CCDC39: variants seen among roughly 807,000 people sequenced by gnomAD.
CCDC39 encodes the protein coiled-coil domain-containing protein 39.
In CCDC39, 113 loss-of-function variants were observed where a neutral mutation model predicts 121.0. The observed-to-expected ratio is 0.93, with a 90% CI of 0.80 to 1.09. The LOEUF (loss-of-function observed/expected upper bound fraction) is 1.09, where lower values mean the gene tolerates loss of function less well. CCDC39 is among the 50% of genes least tolerant of loss of function. The probability of loss-of-function intolerance (pLI) is 0.00; values close to 1 mark genes in which losing one functional copy is unlikely to be tolerated. For synonymous variants in CCDC39, 349 were observed against 352.2 expected, an observed-to-expected ratio of 0.99 and a Z score of 0.10; for missense variants, 1,063 against 1,074.7, an observed-to-expected ratio of 0.99 and a Z score of 0.15.
At chr3:180,638,490 A>G (rs968910999) in intron 13 of CCDC39, among the ~76,000 whole-genome samples, 1 of 152,178 alleles carries the variant, frequency 6.6e-6, no homozygotes, top group African/African-American at 2.4e-5. Flanking sequence ...TGAAAAAACC[A>G]TTAAATCAAG....
At chr3:180,647,524 A>C (rs1718101547) in intron 10 of CCDC39, among the ~76,000 whole-genome samples, 1 of 152,138 alleles carries the variant, frequency 6.6e-6, no homozygotes, top group African/African-American at 2.4e-5. Context: ...ATGGAATCTC[A>C]GTAAATTCAC....
At chr3:180,615,216 A>G in intron 19 of CCDC39, 139 bp from the exon 20 acceptor site, 1 of 577,846 alleles carries the variant, frequency 1.7e-6, no homozygotes, top group Non-Finnish European at 2.9e-6. Context: ...AAGTTTTTAA[A>G]TGACCATCAA....
rs762511042 is a variant in CCDC39, at chr3:180,647,109, G to T, written c.1497C>A (p.Gly499=). The T allele has an allele frequency of 1.2e-6, 2 of 1,608,496 alleles. No individual in the cohort carries two copies. The highest frequency in any genetic ancestry group is 1.1e-5 in the South Asian group (1 of 89,168). ...GCTTCTTGATCTGTGTTTCCAAAAG[G>T]CCACATGTAGATTTTTTCTCTTCCA... is the stretch of plus-strand genomic sequence containing the variant. ...KSLEEKKSTC[G]LLETQIKKLH... is the part of the protein sequence containing the mutation. Residue 499 remains glycine, a synonymous_variant, in exon 11 of 20, where the codon GGC becomes GGA. Coordinates refer to ENST00000476379, the MANE Select transcript of CCDC39 (RefSeq NM_181426.2).
At chr3:180,674,956 C>T (rs1010682084) in intron 1 of CCDC39, among the ~76,000 whole-genome samples, 5 of 152,110 alleles carry the variant, frequency 3.3e-5, no homozygotes, top group Non-Finnish European at 7.4e-5. Context: ...TTTGTTGTAT[C>T]TCTGCCAGGC....
intron 13 of CCDC39, among the ~76,000 whole-genome samples, chr3:180,638,179 C>A (rs111602096): frequency 1.6e-4 from 24 of 151,980 alleles, no homozygotes; most frequent in African/African-American, 5.5e-4. Context: ...TATAAAACAC[C>A]AAGGATAAAG....
At chr3:180,634,461 A>G (rs945637855) in intron 13 of CCDC39, among the ~76,000 whole-genome samples, 1 of 152,172 alleles carries the variant, frequency 6.6e-6, no homozygotes, top group Non-Finnish European at 1.5e-5. Flanking sequence ...GGTTTATTGC[A>G]TTCAGTGATT....
At chr3:180,617,270 TAA>T in intron 16 of CCDC39, 1 of 470,236 alleles carries the variant, frequency 2.1e-6, no homozygotes. Context: ...GCCAGTCATA[TAA>T]AAGTCTAGCA....
intron 14 of CCDC39, among the ~76,000 whole-genome samples, chr3:180,628,691 A>C (rs1439703699): frequency 2.0e-5 from 3 of 152,182 alleles, no homozygotes; most frequent in African/African-American, 7.2e-5. Context: ...AGCAGCCATA[A>C]ACAATATATA....
chr3:180,677,215 T>TATATATATATATATATATATATA (rs1203940702), intron 1 of CCDC39, among the ~76,000 whole-genome samples: 1 of 110,424 alleles, frequency 9.1e-6, no homozygotes, highest in Non-Finnish European at 1.9e-5. Context: ...TATATATATA[T>TATATATATATATATATATATATA]AAAATCACAG....
chr3:180,672,220 T>G (rs1439431957), intron 1 of CCDC39, among the ~76,000 whole-genome samples: 1 of 152,170 alleles, frequency 6.6e-6, no homozygotes, highest in Non-Finnish European at 1.5e-5. Flanking sequence ...AAAGCCTGGA[T>G]GACATGTCTG....
intron 11 of CCDC39, among the ~76,000 whole-genome samples, chr3:180,644,813 T>C (rs1236436046): frequency 6.6e-6 from 1 of 152,200 alleles, no homozygotes; most frequent in Non-Finnish European, 1.5e-5. Context: ...TTTCTGAGTA[T>C]TTTCAATCCT....
intron 14 of CCDC39, among the ~76,000 whole-genome samples, chr3:180,630,129 A>G (rs6798564): frequency 0.18 from 27,619 of 152,070 alleles, 2,698 homozygotes; most frequent in Non-Finnish European, 0.21. Context: ...TAGGATATGG[A>G]TGAAGGCACA....
intron 11 of CCDC39, among the ~76,000 whole-genome samples, chr3:180,646,343 T>C (rs534935105): frequency 6.6e-6 from 1 of 152,208 alleles, no homozygotes; most frequent in African/African-American, 2.4e-5. Flanking sequence ...GGCAATTCTT[T>C]TTATAACCAC....
intron 9 of CCDC39, among the ~76,000 whole-genome samples, 198 bp from the exon 10 acceptor site, chr3:180,648,557 C>T (rs1175124744): frequency 6.6e-6 from 1 of 152,150 alleles, no homozygotes; most frequent in African/African-American, 2.4e-5. Flanking sequence ...ACTAGGGTAG[C>T]TTTTACGCCC....
chr3:180,659,419 C>T, intron 6 of CCDC39, 33 bp downstream of exon 6: 2 of 1,606,920 alleles, frequency 1.2e-6, no homozygotes, highest in African/African-American at 1.3e-5. Context: ...ACAAATGCAG[C>T]TGAACATTAC....
chr3:180,630,963 G>A (rs1717677950), intron 14 of CCDC39, among the ~76,000 whole-genome samples: 2 of 152,180 alleles, frequency 1.3e-5, no homozygotes, highest in South Asian at 4.1e-4. Flanking sequence ...CAGCCAGGGT[G>A]TGGCATAAGA....
chr3:180,630,959 G>C (rs1304835501), intron 14 of CCDC39, among the ~76,000 whole-genome samples: 2 of 152,172 alleles, frequency 1.3e-5, no homozygotes, highest in African/African-American at 4.8e-5. Context: ...GGTCCAGCCA[G>C]GGTGTGGCAT....
chr3:180,625,451 A>G lies in CCDC39; in HGVS notation c.1999-5481T>C, dbSNP rs1399534024. On this transcript the variant is annotated intron_variant, in intron 14 of 19. Transcript: ENST00000476379. ...GGTTTTCAGATTTCTCTTGCATCTA[A>G]TTGAGCTTCTATCAATATTTTGAAT... 2.0e-5 allele frequency among the ~76,000 whole-genome samples: 3 copies of G among 150,796 alleles called. No homozygotes were observed. The East Asian group carries it at 5.8e-4, about 29-fold the overall frequency.
intron 14 of CCDC39, among the ~76,000 whole-genome samples, chr3:180,625,595 G>T (rs186871472): frequency 5.7e-4 from 86 of 152,156 alleles, no homozygotes; most frequent in Admixed American, 1.2e-3. Context: ...ATTGATAGAT[G>T]CATATCTCAT....
Sources: allele counts gnomAD v4.1 joint callset (sites outside exome capture counted in the v4.1 genomes callset), GRCh38; gene constraint gnomAD v4.1.1; transcripts MANE v1.5; gene names NCBI Gene and HGNC (gene_info 2026-07-23, HGNC 2026-07-21).